The following MYO9A variants were observed in gnomAD, a reference collection of about 807,000 sequenced individuals.
MYO9A encodes the protein unconventional myosin-IXa.
In MYO9A, 103 loss-of-function variants were observed where a neutral mutation model predicts 293.3. That is an observed-to-expected ratio of 0.35 (90% confidence interval 0.30 to 0.41). MYO9A has a LOEUF of 0.41. Ranked by LOEUF, MYO9A falls within the 10% of genes least tolerant of loss-of-function variation. The pLI, the probability that MYO9A is intolerant of heterozygous loss-of-function variation, is 1.00. For missense variants in MYO9A, 2,685 were observed against 3,033.0 expected, an observed-to-expected ratio of 0.89 and a Z score of 2.69; for synonymous variants, 1,001 against 1,035.7, an observed-to-expected ratio of 0.97 and a Z score of 0.64.
chr15:71,842,164 G>A (rs1173163931), intron 39 of MYO9A, among the ~76,000 whole-genome samples: 1 of 150,378 alleles, frequency 6.6e-6, no homozygotes, highest in Admixed American at 6.6e-5. Flanking sequence ...CCTGAGGTCA[G>A]GAGTTCAATA....
intron 39 of MYO9A, among the ~76,000 whole-genome samples, chr15:71,848,616 A>G (rs1225081842): frequency 1.3e-5 from 2 of 152,190 alleles, no homozygotes; most frequent in East Asian, 3.8e-4. Context: ...TTTTATCTAA[A>G]TACTTGATTT....
chr15:71,955,067 T>TAC (rs1446520900), intron 14 of MYO9A, among the ~76,000 whole-genome samples: 2 of 152,058 alleles, frequency 1.3e-5, no homozygotes, highest in Non-Finnish European at 2.9e-5. Flanking sequence ...TTCCTATCAA[T>TAC]ACTACCCTTG....
chr15:71,857,062 T>C (rs1040721699), intron 34 of MYO9A, among the ~76,000 whole-genome samples: 2 of 152,188 alleles, frequency 1.3e-5, no homozygotes, highest in East Asian at 1.9e-4. Flanking sequence ...GGGACACAGA[T>C]GTGCAAATAC....
chr15:71,974,372 G>A (rs1447775222), intron 12 of MYO9A, among the ~76,000 whole-genome samples: 2 of 152,186 alleles, frequency 1.3e-5, no homozygotes, highest in Admixed American at 1.3e-4. Flanking sequence ...TGGGACTAAA[G>A]GAGCATCCCC....
chr15:71,933,596 T>C (rs1047890528), intron 18 of MYO9A, 74 bp downstream of exon 18: 6 of 1,334,338 alleles, frequency 4.5e-6, no homozygotes, highest in South Asian at 1.2e-5. Context: ...TTTTGATGTA[T>C]GAAGATTGTA....
At chr15:71,844,003 G>C (rs2055280319) in intron 39 of MYO9A, among the ~76,000 whole-genome samples, 1 of 152,148 alleles carries the variant, frequency 6.6e-6, no homozygotes, top group South Asian at 2.1e-4. Flanking sequence ...GCCTATTTTG[G>C]TTTTAACTTA....
rs75986913 is a variant in MYO9A, at chr15:71,899,900, C to G, written c.3257G>C (p.Arg1086Pro). The G allele has an allele frequency of 6.2e-7, 1 of 1,614,020 alleles. No homozygotes were observed. Among genetic ancestry groups the G allele is most frequent in the Non-Finnish European group, 8.5e-7 (1 of 1,180,020 alleles). ...SAAALLQASW[R>P]AHLERQRYLE... ...GTACCGCTGCCTCTCTAAGTGAGCA[C>G]GCCAGGAAGCTTGGAGAAGAGCAGC... is the stretch of plus-strand genomic sequence containing the variant. Residue 1086 changes from arginine (R) to proline (P), a missense_variant, in exon 24 of 42, where the codon CGT (arginine) becomes CCT (proline). Transcript: ENST00000356056.
At chr15:72,051,116 G>A (rs1347066057) in intron 1 of MYO9A, among the ~76,000 whole-genome samples, 2 of 152,128 alleles carry the variant, frequency 1.3e-5, no homozygotes, top group Admixed American at 1.3e-4. Flanking sequence ...GCAGGCTGGA[G>A]TACAATGGCA....
intron 2 of MYO9A, among the ~76,000 whole-genome samples, chr15:72,042,346 T>G (rs1200988726): frequency 6.6e-6 from 1 of 151,970 alleles, no homozygotes; most frequent in East Asian, 1.9e-4. Flanking sequence ...AAAAAATTTT[T>G]TTAATGAGAA....
intron 23 of MYO9A, among the ~76,000 whole-genome samples, chr15:71,900,352 C>T (rs916239658): frequency 9.4e-5 from 14 of 148,682 alleles, no homozygotes; most frequent in African/African-American, 2.3e-4. Flanking sequence ...AGGAGAATGG[C>T]GTGAACCTGG....
intron 11 of MYO9A, among the ~76,000 whole-genome samples, chr15:71,980,938 T>C (rs1393192490): frequency 6.6e-6 from 1 of 152,230 alleles, no homozygotes; most frequent in Non-Finnish European, 1.5e-5. Context: ...TTCAATAAGA[T>C]ATTAGCTGTA....
At chr15:71,976,844 T>C (rs2076158642) in intron 12 of MYO9A, among the ~76,000 whole-genome samples, 1 of 152,244 alleles carries the variant, frequency 6.6e-6, no homozygotes, top group Non-Finnish European at 1.5e-5. Context: ...TTCTTTCTGT[T>C]AGCTTTTTAT....
upstream of MYO9A, chr15:72,118,552 C>T (rs1316791992): frequency 6.6e-6 from 1 of 152,308 alleles, no homozygotes; most frequent in Non-Finnish European, 1.5e-5. Flanking sequence ...TGCTCCCTCC[C>T]GATTCTGGAC....
At chr15:71,994,388 G>A in intron 10 of MYO9A, 81 bp downstream of exon 10, 1 of 806,922 alleles carries the variant, frequency 1.2e-6, no homozygotes, top group Non-Finnish European at 1.9e-6. Flanking sequence ...ATATAATTCT[G>A]TGTTTTTAAA....
At chr15:71,851,185 A>T in intron 37 of MYO9A, 68 bp downstream of exon 37, 1 of 1,242,004 alleles carries the variant, frequency 8.1e-7, no homozygotes, top group East Asian at 2.4e-5. Flanking sequence ...AAATGGAGAA[A>T]TTCCTTATCT....
intron 11 of MYO9A, among the ~76,000 whole-genome samples, chr15:71,987,796 T>G (rs1415725600): frequency 6.6e-6 from 1 of 152,150 alleles, no homozygotes; most frequent in Non-Finnish European, 1.5e-5. Flanking sequence ...TATACTCAAC[T>G]GAACTTAACA....
At chr15:72,071,942 T>C (rs2079204011) in intron 1 of MYO9A, among the ~76,000 whole-genome samples, 2 of 151,048 alleles carry the variant, frequency 1.3e-5, no homozygotes, top group Non-Finnish European at 2.9e-5. Flanking sequence ...TGGCGGTATA[T>C]GCCTGTAGTC....
At chr15:72,068,111 T>C (rs1281819650) in intron 1 of MYO9A, among the ~76,000 whole-genome samples, 1 of 152,326 alleles carries the variant, frequency 6.6e-6, no homozygotes, top group East Asian at 1.9e-4. Flanking sequence ...TATAGGACTA[T>C]CAAATCGCCC....
chr15:71,828,117 TAAG>T (rs755069404), intron 40 of MYO9A, 91 bp from the exon 41 acceptor site: 46 of 1,443,616 alleles, frequency 3.2e-5, no homozygotes, highest in Non-Finnish European at 4.2e-5. Flanking sequence ...GTCAGGAATC[TAAG>T]AAGCAAAGAG....
Sources: allele counts gnomAD v4.1 joint callset (sites outside exome capture counted in the v4.1 genomes callset), GRCh38; gene constraint gnomAD v4.1.1; transcripts MANE v1.5; gene names NCBI Gene and HGNC (gene_info 2026-07-23, HGNC 2026-07-21).